CNIH3: variants seen among roughly 807,000 people sequenced by gnomAD.
The protein encoded by CNIH3 is cornichon family AMPA receptor auxiliary protein 3.
CNIH3 carries 14 observed loss-of-function variants against 24.1 expected under a neutral mutation model. That is an observed-to-expected ratio of 0.58 (90% CI 0.38 to 0.91). CNIH3 has a LOEUF of 0.91. Ranked by LOEUF, CNIH3 falls within the 40% of genes least tolerant of loss-of-function variation. The probability of loss-of-function intolerance (pLI) is 0.00; values close to 1 mark genes in which losing one functional copy is unlikely to be tolerated. For synonymous variants in CNIH3, 68 were observed against 73.8 expected, an observed-to-expected ratio of 0.92 and a Z score of 0.40; for missense variants, 178 against 196.8, an observed-to-expected ratio of 0.90 and a Z score of 0.57.
chr1:224,546,276 C>T (rs1450765863), intron 2 of CNIH3, among the ~76,000 whole-genome samples: 1 of 152,078 alleles, frequency 6.6e-6, no homozygotes, highest in Non-Finnish European at 1.5e-5. Context: ...GTTATATCTC[C>T]CATGCTGTTA....
At chr1:224,533,797 A>C (rs1285881067) in intron 2 of CNIH3, among the ~76,000 whole-genome samples, 1 of 152,172 alleles carries the variant, frequency 6.6e-6, no homozygotes, top group African/African-American at 2.4e-5. Flanking sequence ...TCTCAACTTG[A>C]TTACATTGGC....
intron 3 of CNIH3, among the ~76,000 whole-genome samples, chr1:224,607,208 T>G (rs1241978932): frequency 6.6e-6 from 1 of 152,192 alleles, no homozygotes; most frequent in Non-Finnish European, 1.5e-5. Flanking sequence ...CAATGGTAAG[T>G]GCTGTAAATA....
chr1:224,440,161 T>A (rs1057432850), intron 1 of CNIH3, among the ~76,000 whole-genome samples: 1 of 152,216 alleles, frequency 6.6e-6, no homozygotes, highest in Non-Finnish European at 1.5e-5. Flanking sequence ...GACCTCATGG[T>A]CCGCCTGCCT....
intron 2 of CNIH3, among the ~76,000 whole-genome samples, chr1:224,683,826 G>A (rs74590152): frequency 8.5e-5 from 13 of 152,354 alleles, no homozygotes; most frequent in Non-Finnish European, 1.8e-4. Context: ...GTGCGTGTGT[G>A]CACATAAGTA....
chr1:224,610,865 C>T (rs1396340210), intron 3 of CNIH3, among the ~76,000 whole-genome samples: 1 of 152,162 alleles, frequency 6.6e-6, no homozygotes, highest in Non-Finnish European at 1.5e-5. Context: ...TGAACTTTCC[C>T]TGATCATACT....
chr1:224,645,376 C>T (rs937707552), intron 1 of CNIH3, among the ~76,000 whole-genome samples: 5 of 152,240 alleles, frequency 3.3e-5, no homozygotes, highest in African/African-American at 9.6e-5. Context: ...CCCAGAGAAG[C>T]GCGAGAGAGA....
At chr1:224,546,501 C>T (rs1304047799) in intron 2 of CNIH3, among the ~76,000 whole-genome samples, 1 of 152,130 alleles carries the variant, frequency 6.6e-6, no homozygotes, top group Middle Eastern at 3.2e-3. Flanking sequence ...TGAGCAGCGT[C>T]AGGGGAAATT....
intron 1 of CNIH3, among the ~76,000 whole-genome samples, chr1:224,448,352 A>G (rs1408259941): frequency 1.3e-5 from 2 of 152,224 alleles, no homozygotes; most frequent in Non-Finnish European, 2.9e-5. Context: ...GAGGACTGTC[A>G]GAATTATCTT....
chr1:224,457,058 C>A (rs536720001), intron 1 of CNIH3, among the ~76,000 whole-genome samples: 1 of 152,158 alleles, frequency 6.6e-6, no homozygotes, highest in African/African-American at 2.4e-5. Flanking sequence ...CGAGGGGAGA[C>A]GGTCCACACC....
intron 2 of CNIH3, among the ~76,000 whole-genome samples, chr1:224,682,701 C>T (rs753311639): frequency 2.0e-5 from 3 of 152,212 alleles, no homozygotes; most frequent in Admixed American, 6.5e-5. Flanking sequence ...CAACATTACA[C>T]GCCTGGCCTG....
At chr1:224,577,499 C>CAA (rs1681085091) in intron 4 of CNIH3, among the ~76,000 whole-genome samples, 1 of 152,002 alleles carries the variant, frequency 6.6e-6, no homozygotes, top group South Asian at 2.1e-4. Context: ...ATCAAAATCA[C>CAA]AATGTGACAC....
At chr1:224,652,909 G>A (rs535238045) in intron 1 of CNIH3, among the ~76,000 whole-genome samples, 2 of 152,302 alleles carry the variant, frequency 1.3e-5, no homozygotes, top group East Asian at 3.9e-4. Context: ...AGCTGCACAG[G>A]TGTTCAGAGG....
At chr1:224,634,167 C>G (rs1362446710) in intron 1 of CNIH3, among the ~76,000 whole-genome samples, 1 of 152,306 alleles carries the variant, frequency 6.6e-6, no homozygotes, top group East Asian at 1.9e-4. Context: ...AGCATGCTTC[C>G]GTGGCACGTG....
At chr1:224,559,898 G>A (rs1047434936) in intron 3 of CNIH3, among the ~76,000 whole-genome samples, 2 of 152,030 alleles carry the variant, frequency 1.3e-5, no homozygotes, top group African/African-American at 4.8e-5. Flanking sequence ...TGGTTATGAT[G>A]TCTTTGCATT....
chr1:224,582,502 C>T lies in CNIH3; in HGVS notation n.517-662C>T, dbSNP rs1030379499. Among the ~76,000 whole-genome samples the T allele has an allele frequency of 7.9e-5, 12 of 152,000 alleles. No homozygotes were observed. The South Asian group carries it at 1.5e-3, about 18-fold the overall frequency. ...GTGATGGATTTTGAAGTGCCTGGGGCGGTAGCCTGTGTGCAATACACCTGG... is the reference window on the plus strand; with the variant it reads ...GTGATGGATTTTGAAGTGCCTGGGGTGGTAGCCTGTGTGCAATACACCTGG... On this transcript the variant is annotated intron_variant and non_coding_transcript_variant, in intron 4 of 5. Coordinates refer to the CNIH3 transcript ENST00000471578.
chr1:224,646,821 C>T (rs1443229444), intron 1 of CNIH3, among the ~76,000 whole-genome samples: 1 of 152,216 alleles, frequency 6.6e-6, no homozygotes, highest in Non-Finnish European at 1.5e-5. Context: ...TGGCCCTACA[C>T]TGGTGAACTA....
intron 1 of CNIH3, among the ~76,000 whole-genome samples, chr1:224,505,052 T>TCCTC (rs1430869597): frequency 1.5e-5 from 2 of 129,354 alleles, no homozygotes; most frequent in Non-Finnish European, 3.2e-5. Flanking sequence ...CTTCCTTCCT[T>TCCTC]CCTTCCTTCC....
intron 1 of CNIH3, among the ~76,000 whole-genome samples, chr1:224,662,259 C>T (rs1685398884): frequency 6.6e-6 from 1 of 152,118 alleles, no homozygotes; most frequent in Non-Finnish European, 1.5e-5. Flanking sequence ...TCATTTTTAG[C>T]AGTCTAGATT....
upstream of CNIH3, chr1:224,434,656 G>A (rs1223372241): frequency 1.3e-5 from 10 of 769,946 alleles, no homozygotes; most frequent in African/African-American, 9.6e-5. Flanking sequence ...GGGGGCGCGG[G>A]GCCCGCCGCT....
Sources: allele counts gnomAD v4.1 joint callset (sites outside exome capture counted in the v4.1 genomes callset), GRCh38; gene constraint gnomAD v4.1.1; transcripts MANE v1.5; gene names NCBI Gene and HGNC (gene_info 2026-07-23, HGNC 2026-07-21).